DCTN5: variants seen among roughly 807,000 people sequenced by gnomAD.
The protein encoded by DCTN5 is dynactin subunit 5, also known as dynactin 4.
A neutral mutation model predicts 23.5 loss-of-function variants in DCTN5; 14 were observed. That is an observed-to-expected ratio of 0.60 (90% CI 0.39 to 0.93). The LOEUF is 0.93. DCTN5 is among the 40% of genes least tolerant of loss of function. The pLI is 0.00. For synonymous variants in DCTN5, 67 were observed against 79.6 expected, an observed-to-expected ratio of 0.84 and a Z score of 0.84; for missense variants, 156 against 225.9, an observed-to-expected ratio of 0.69 and a Z score of 1.98.
rs543748219 is a variant in DCTN5, at chr16:23,672,795, G to T, written c.*5651G>T. The stretch of plus-strand genomic sequence containing the variant: ...TACTGTTACTGATAACATACAAATA[G>T]ATTGTATTAATGGACCATAATTGCA... On this transcript the variant is annotated 3_prime_UTR_variant, in exon 6 of 6. Coordinates refer to ENST00000300087, the MANE Select transcript of DCTN5 (RefSeq NM_032486.4). The T allele has an allele frequency of 1.3e-5, 2 of 152,334 alleles. No homozygotes were observed. Among genetic ancestry groups the T allele is most frequent in the East Asian group, 3.9e-4 (2 of 5,192 alleles). The allele number at this position is 152,334 out of a possible 1,614,324, so 9.4% of individuals were successfully genotyped here. A position where few individuals can be genotyped will look rare whatever the true frequency, so the allele number is the denominator to read the frequency against.
At position 23,658,630 on chromosome 16, in the gene DCTN5, G is replaced by A; in HGVS notation, c.236+5G>A. The A allele has an allele frequency of 5.0e-6, 8 of 1,609,300 alleles. No homozygotes were observed. The highest frequency in any genetic ancestry group is 6.8e-6 in the Non-Finnish European group (8 of 1,175,568). The stretch of plus-strand genomic sequence containing the variant: ...ATTCAAGAAGTTCAGCAAAGGGTAT[G>A]TAATTTAATTACTTTGTTCAAGTCT... On this transcript the variant is annotated splice_donor_5th_base_variant and intron_variant, in intron 3 of 5. Coordinates refer to ENST00000300087, the MANE Select transcript of DCTN5 (RefSeq NM_032486.4).
At chr16:23,648,516 A>G (rs1201291360) in intron 2 of DCTN5, among the ~76,000 whole-genome samples, 1 of 150,788 alleles carries the variant, frequency 6.6e-6, no homozygotes, top group South Asian at 2.1e-4. Context: ...TGTCTGGCTA[A>G]TTTTTGTATT....
chr16:23,648,350 T>TC (rs1301435801), intron 2 of DCTN5, among the ~76,000 whole-genome samples: 84 of 144,562 alleles, frequency 5.8e-4, no homozygotes, highest in Non-Finnish European at 7.9e-4. Context: ...TTTTCTTTTT[T>TC]TTTTTTTTTT....
intron 2 of DCTN5, among the ~76,000 whole-genome samples, chr16:23,657,741 C>T (rs555814820): frequency 1.3e-5 from 2 of 152,144 alleles, no homozygotes; most frequent in South Asian, 2.1e-4. Context: ...CGCACCTGGC[C>T]AGAAAAAATT....
In DCTN5 at chr16:23,658,450, T is replaced by G. The variant is rs1048984499; in HGVS notation, c.118-57T>G. On this transcript the variant is annotated intron_variant, in intron 2 of 5. Coordinates refer to ENST00000300087, the MANE Select transcript of DCTN5 (RefSeq NM_032486.4). The stretch of plus-strand genomic sequence containing the variant: ...AATCAGTATCTCGTTATCTACTCTT[T>G]TTTTGTTACGTCTTAGGCTATGTTG... The G allele has an allele frequency of 3.8e-5, 44 of 1,142,912 alleles. No homozygotes were observed. The African/African-American group carries it at 6.4e-4, about 17-fold the overall frequency. 70.8% of individuals were successfully genotyped at this position (1,142,912 alleles called of 1,614,324 possible).
At chr16:23,666,063 G>GA in intron 5 of DCTN5, 3 of 227,394 alleles carry the variant, frequency 1.3e-5, no homozygotes, top group Admixed American at 5.4e-5. Context: ...ATAAAGCCTT[G>GA]GATCCACACA....
Position 23,642,975 on chromosome 16 carries a change from T to C in DCTN5, c.69T>C (p.Ser23=), listed in dbSNP as rs1441646091. ...TTTAGGCATCTGGGAACAAAGTCAG[T>C]CGCCAGTCAGTGTTGTGTGGAAGCC... The part of the protein sequence containing the change: ...YIETASGNKV[S]RQSVLCGSQN... Residue 23 remains serine, a synonymous_variant, in exon 2 of 6, where the codon AGT becomes AGC. Coordinates refer to ENST00000300087, the MANE Select transcript of DCTN5 (RefSeq NM_032486.4). 6.2e-7 allele frequency: 1 copy of C among 1,614,170 alleles called. No homozygotes were observed. The highest frequency in any genetic ancestry group is 1.7e-5 in the Admixed American group (1 of 60,026).
rs1032999300 is a variant in DCTN5, at chr16:23,642,263, T to C, written c.48+673T>C. On this transcript the variant is annotated intron_variant, in intron 1 of 5. Coordinates refer to ENST00000300087, the MANE Select transcript of DCTN5 (RefSeq NM_032486.4). The stretch of plus-strand genomic sequence containing the variant: ...GGTTCTTTATGATCAGTACATGATA[T>C]GTTTGTAAAATCTTGGAAACAGGGC... Among the ~76,000 whole-genome samples the C allele has an allele frequency of 3.9e-5, 6 of 152,270 alleles. No individual in the cohort carries two copies. The South Asian group carries it at 6.2e-4, about 16-fold the overall frequency.
intron 2 of DCTN5, among the ~76,000 whole-genome samples, chr16:23,652,957 A>T (rs80006086): frequency 0.063 from 9,613 of 152,132 alleles, 643 homozygotes; most frequent in African/African-American, 0.16. Context: ...AGCCTGGGCA[A>T]CATAGGGAGA....
At chr16:23,645,705 C>G (rs916818299) in intron 2 of DCTN5, among the ~76,000 whole-genome samples, 1 of 152,126 alleles carries the variant, frequency 6.6e-6, no homozygotes, top group African/African-American at 2.4e-5. Context: ...TTTCAAGGTT[C>G]ATCCTTGTTA....
At chr16:23,655,864 A>G (rs894777152) in intron 2 of DCTN5, among the ~76,000 whole-genome samples, 1 of 152,166 alleles carries the variant, frequency 6.6e-6, no homozygotes, top group African/African-American at 2.4e-5. Flanking sequence ...TTTAAAACAA[A>G]TTGCAAATGT....
intron 2 of DCTN5, among the ~76,000 whole-genome samples, chr16:23,643,765 T>C (rs1967361548): frequency 1.3e-5 from 2 of 152,082 alleles, no homozygotes; most frequent in Non-Finnish European, 2.9e-5. Flanking sequence ...GAAAAGATAT[T>C]AAAGTATGAG....
chr16:23,651,171 T>C (rs1967597562), intron 2 of DCTN5: 1 of 1,112,884 alleles, frequency 9.0e-7, no homozygotes, highest in Non-Finnish European at 1.1e-6. Flanking sequence ...GTATAGTCCT[T>C]CAACCTCCAC....
At chr16:23,662,862 G>T (rs1489409378) in intron 4 of DCTN5, among the ~76,000 whole-genome samples, 1 of 152,202 alleles carries the variant, frequency 6.6e-6, no homozygotes, top group Non-Finnish European at 1.5e-5. Flanking sequence ...ATGTCTGAAA[G>T]GTTGAATCCA....
At chr16:23,645,179 G>C (rs1049975914) in intron 2 of DCTN5, among the ~76,000 whole-genome samples, 44 of 128,014 alleles carry the variant, frequency 3.4e-4, no homozygotes, top group African/African-American at 1.3e-3. Flanking sequence ...TTGTTGCCCA[G>C]GCTGGAGTGC....
rs1959235814 is a variant in DCTN5, at chr16:23,677,355, A to G, written c.*10211A>G. The G allele has an allele frequency of 1.3e-5, 2 of 152,156 alleles. No individual in the cohort carries two copies. The highest frequency in any genetic ancestry group is 4.8e-5 in the African/African-American group (2 of 41,424). 9.4% of individuals were successfully genotyped at this position (152,156 alleles called of 1,614,324 possible). On this transcript the variant is annotated 3_prime_UTR_variant, in exon 6 of 6. Coordinates refer to ENST00000300087, the MANE Select transcript of DCTN5 (RefSeq NM_032486.4). ...TTCTCAATCTGGGTGTGGTTTACAG[A>G]TTTGTTCAGTTTGTGAAAATTCACT...
intron 2 of DCTN5, among the ~76,000 whole-genome samples, chr16:23,647,504 T>C (rs1967493086): frequency 6.6e-6 from 1 of 151,796 alleles, no homozygotes; most frequent in African/African-American, 2.4e-5. Context: ...GCTTTTTTTT[T>C]TTTAATTTTT....
chr16:23,653,766 C>T (rs6497677), intron 2 of DCTN5, among the ~76,000 whole-genome samples: 9,625 of 152,188 alleles, frequency 0.063, 638 homozygotes, highest in African/African-American at 0.16. Flanking sequence ...AAACAGACAT[C>T]CTACAGAATG....
At chr16:23,644,510 CAGG>C (rs1377979154) in intron 2 of DCTN5, among the ~76,000 whole-genome samples, 1 of 151,774 alleles carries the variant, frequency 6.6e-6, no homozygotes, top group African/African-American at 2.4e-5. Context: ...CCGTGTTAGC[CAGG>C]ATGGTCTCAA....
Sources: allele counts gnomAD v4.1 joint callset (sites outside exome capture counted in the v4.1 genomes callset), GRCh38; gene constraint gnomAD v4.1.1; transcripts MANE v1.5; gene names NCBI Gene and HGNC (gene_info 2026-07-23, HGNC 2026-07-21).